Variants in RBMS2 observed in about 807,000 individuals in gnomAD.
RBMS2 encodes the protein RNA-binding motif, single-stranded-interacting protein 2.
RBMS2 carries 38 observed loss-of-function variants against 58.4 expected under a neutral mutation model. The ratio of observed to expected loss-of-function variants is 0.65; its 90% CI spans 0.50 to 0.85. The LOEUF (loss-of-function observed/expected upper bound fraction) is 0.85, where lower values mean the gene tolerates loss of function less well. Ranked by LOEUF, RBMS2 falls within the 40% of genes least tolerant of loss-of-function variation. The pLI, the probability that RBMS2 is intolerant of heterozygous loss-of-function variation, is 0.00. For missense variants in RBMS2, 367 were observed against 503.7 expected, an observed-to-expected ratio of 0.73 and a Z score of 2.60; for synonymous variants, 151 against 180.7, an observed-to-expected ratio of 0.84 and a Z score of 1.32.
intron 1 of RBMS2, among the ~76,000 whole-genome samples, chr12:56,553,713 C>T (rs575732536): frequency 2.6e-5 from 4 of 152,062 alleles, no homozygotes; most frequent in South Asian, 2.1e-4. Context: ...GTGATCCACC[C>T]GCCTTGGTCT....
chr12:56,573,305 C>T (rs1224042314), intron 5 of RBMS2: 10 of 464,560 alleles, frequency 2.2e-5, no homozygotes, highest in East Asian at 3.1e-4. Context: ...GGTGAAACCC[C>T]GTCTCTACTA....
intron 2 of RBMS2, 63 bp from the exon 3 acceptor site, chr12:56,568,912 A>C (rs1881828263): frequency 5.2e-6 from 7 of 1,356,930 alleles, no homozygotes; most frequent in Non-Finnish European, 7.3e-6. Context: ...AGATGTCTGA[A>C]TCTCTGTCCT....
At chr12:56,525,136 ACTGTGTTT>A (rs1872430038) in intron 1 of RBMS2, among the ~76,000 whole-genome samples, 1 of 152,104 alleles carries the variant, frequency 6.6e-6, no homozygotes, top group Admixed American at 6.6e-5. Flanking sequence ...AGTAGGGCTT[ACTGTGTTT>A]CTGTTTTGGA....
intron 5 of RBMS2, chr12:56,573,105 C>T: frequency 1.0e-6 from 1 of 979,362 alleles, no homozygotes; most frequent in Non-Finnish European, 1.2e-6. Context: ...GTGAGCCAAG[C>T]ACCCCTTTTT....
intron 5 of RBMS2, chr12:56,580,230 C>CTTTTTTTTTT: frequency 3.2e-6 from 1 of 313,668 alleles, no homozygotes. Flanking sequence ...TGAGCCTGGC[C>CTTTTTTTTTT]TTTTTTTTTT....
chr12:56,535,467 C>G (rs1210165270), intron 1 of RBMS2, among the ~76,000 whole-genome samples: 1 of 145,750 alleles, frequency 6.9e-6, no homozygotes, highest in Non-Finnish European at 1.5e-5. Flanking sequence ...TGCACTCCAG[C>G]CTGGGTGACA....
rs766876693 is a variant in RBMS2, at chr12:56,539,865, C to T, written c.66+17776C>T. ...CATAAACCTTCTAAAAACTGAGAGG[C>T]CGGATGCTTCATTACATTCCAGCTT... On this transcript the variant is annotated intron_variant, in intron 1 of 13. Coordinates refer to ENST00000262031, the MANE Select transcript of RBMS2 (RefSeq NM_002898.4). 70 of 260,240 alleles carry T rather than the reference C, an allele frequency of 2.7e-4. 1 individual carries two copies. The highest frequency in any genetic ancestry group is 1.2e-3 in the South Asian group (36 of 29,598). 16.1% of individuals were successfully genotyped at this position (260,240 alleles called of 1,614,324 possible).
In RBMS2 at chr12:56,589,005, A is replaced by G. The variant is rs1388518491; in HGVS notation, c.1217A>G (p.Asn406Ser). The change falls in exon 13 of 14, where the codon AAC (asparagine) becomes AGC (serine). Residue 406 changes from asparagine to serine, a missense_variant. Around this residue, in one of 3 missense-constraint regions of RBMS2, gnomAD observed 220 missense variants for 261.1 expected, o/e 0.84. Coordinates refer to ENST00000262031, the MANE Select transcript of RBMS2 (RefSeq NM_002898.4). ...SEHGVYSFQF[N>S]K ...CATGGGGTCTATTCTTTCCAGTTCA[A>G]CAAGTAACAGTGGGTAAGAACCACA... 6.2e-6 allele frequency: 10 copies of G among 1,614,200 alleles called. No homozygotes were observed. Among genetic ancestry groups the G allele is most frequent in the Non-Finnish European group, 8.5e-6 (10 of 1,180,024 alleles).
chr12:56,573,674 G>A (rs1481029649), intron 5 of RBMS2, among the ~76,000 whole-genome samples: 1 of 150,552 alleles, frequency 6.6e-6, no homozygotes, highest in Non-Finnish European at 1.5e-5. Flanking sequence ...GCCACCCTTA[G>A]TTATCTAATA....
intron 5 of RBMS2, among the ~76,000 whole-genome samples, chr12:56,573,681 A>G (rs1191406941): frequency 1.3e-5 from 2 of 151,864 alleles, no homozygotes; most frequent in African/African-American, 4.8e-5. Context: ...TTAGTTATCT[A>G]ATAGTTTTTC....
At chr12:56,574,891 A>G (rs1382187600) in intron 5 of RBMS2, among the ~76,000 whole-genome samples, 2 of 152,180 alleles carry the variant, frequency 1.3e-5, no homozygotes, top group Admixed American at 6.6e-5. Context: ...ACTCACGCCT[A>G]TAATCCTAGC....
chr12:56,547,077 C>T (rs540237318), intron 1 of RBMS2, among the ~76,000 whole-genome samples: 46 of 152,154 alleles, frequency 3.0e-4, no homozygotes, highest in African/African-American at 2.4e-4. Context: ...GGGCCGGGTG[C>T]GGTGGCTCAC....
chr12:56,549,061 T>C (rs1181259675), intron 1 of RBMS2, among the ~76,000 whole-genome samples: 1 of 152,166 alleles, frequency 6.6e-6, no homozygotes, highest in African/African-American at 2.4e-5. Context: ...CAGGCTGGAA[T>C]GATCTCGGCT....
chr12:56,560,280 G>A (rs144460665), intron 1 of RBMS2, among the ~76,000 whole-genome samples: 4,444 of 149,630 alleles, frequency 0.03, 243 homozygotes, highest in African/African-American at 0.1. Context: ...TTTTTGAGAC[G>A]GAGTCTCTTT....
At chr12:56,532,630 A>G (rs1873979433) in intron 1 of RBMS2, among the ~76,000 whole-genome samples, 1 of 152,166 alleles carries the variant, frequency 6.6e-6, no homozygotes, top group Non-Finnish European at 1.5e-5. Context: ...CCTTTACAGT[A>G]AAACATCTTG....
chr12:56,530,825 T>C (rs1873602875), intron 1 of RBMS2, among the ~76,000 whole-genome samples: 1 of 152,188 alleles, frequency 6.6e-6, no homozygotes, highest in South Asian at 2.1e-4. Flanking sequence ...TTTTTGTTGT[T>C]GTTGCTTAAT....
intron 1 of RBMS2, among the ~76,000 whole-genome samples, chr12:56,550,702 T>C (rs1878094957): frequency 6.6e-6 from 1 of 151,626 alleles, no homozygotes; most frequent in South Asian, 2.1e-4. Flanking sequence ...ATTAGCTGGG[T>C]GTGGTGGCAC....
Position 56,582,064 on chromosome 12 carries a change from A to G in RBMS2, c.785A>G (p.Tyr262Cys). The G allele has an allele frequency of 6.2e-7, 1 of 1,601,384 alleles. No homozygotes were observed. The highest frequency in any genetic ancestry group is 8.5e-7 in the Non-Finnish European group (1 of 1,173,514). Residue 262 changes from tyrosine to cysteine, a missense_variant, in exon 9 of 14, where the codon TAC becomes TGC. This residue lies in a region of RBMS2 where 220 missense variants were observed against 261.1 expected (regional missense o/e 0.84). Coordinates refer to ENST00000262031, the MANE Select transcript of RBMS2 (RefSeq NM_002898.4). The stretch of plus-strand genomic sequence containing the variant: ...ATTGAGGTTCCTTCCCACAGGTTTT[A>G]CCCAGCCCCCTATAACATCACCCCC... ...DPTTALQNGF[Y>C]PAPYNITPNR...
chr12:56,549,755 G>C (rs1305115813), intron 1 of RBMS2, among the ~76,000 whole-genome samples: 1 of 151,922 alleles, frequency 6.6e-6, no homozygotes, highest in East Asian at 1.9e-4. Flanking sequence ...GGCAAGGTGC[G>C]GGGGCTCATG....
Sources: gnomAD v4.1 joint callset for allele counts (sites outside exome capture counted in the v4.1 genomes callset) on GRCh38, gnomAD v4.1.1 for gene constraint, gnomAD v4.1.1 regional missense constraint, MANE v1.5 for transcripts, NCBI Gene and HGNC (gene_info 2026-07-23, HGNC 2026-07-21) for gene names.